Variants in TMEM132D observed in about 807,000 individuals in gnomAD.
TMEM132D encodes transmembrane protein 132D, also known as mature OL transmembrane protein.
Under a neutral mutation model 62.3 loss-of-function variants are expected in TMEM132D, and 21 were observed. The observed-to-expected ratio is 0.34, with a 90% CI of 0.24 to 0.49. The LOEUF (loss-of-function observed/expected upper bound fraction) is 0.49, where lower values mean the gene tolerates loss of function less well. Among genes scored for constraint, TMEM132D ranks in the 20% least tolerant of loss-of-function variants. TMEM132D has a pLI of 0.99. For missense variants in TMEM132D, 1,346 were observed against 1,402.8 expected (o/e 0.96, Z 0.65); for synonymous variants, 621 against 575.6 (o/e 1.08, Z -1.13).
At position 129,770,140 on chromosome 12, in the gene TMEM132D, G is replaced by GTTTTTTTTTTTTT. The variant is rs375230592; in HGVS notation, c.80-69443_80-69442insAAAAAAAAAAAAA. ...ATGAGATTCTTTGTGGGTTTTTTTGGTTGTTTTTTTTTTTTTTTTTTGAGA... is the reference window on the plus strand; with the variant it reads ...ATGAGATTCTTTGTGGGTTTTTTTGGTTTTTTTTTTTTTTTGTTTTTTTTTTTTTTTTTTGAGA... On this transcript the variant is annotated intron_variant, in intron 1 of 8. Coordinates refer to ENST00000422113, the MANE Select transcript of TMEM132D (RefSeq NM_133448.3). Among the ~76,000 whole-genome samples, 40 of 104,330 alleles carry GTTTTTTTTTTTTT rather than the reference G, an allele frequency of 3.8e-4. 2 individuals carry two copies. The highest frequency in any genetic ancestry group is 5.4e-4 in the Non-Finnish European group (29 of 54,142). The allele number at this position is 104,330 out of a possible 152,430, so 68.4% of individuals were successfully genotyped here.
At chr12:129,836,523 T>C (rs189768682) in intron 1 of TMEM132D, among the ~76,000 whole-genome samples, 81 of 144,682 alleles carry the variant, frequency 5.6e-4, no homozygotes, top group African/African-American at 1.2e-3. Context: ...TGTGCGCGCG[T>C]GTGTGTGTGT....
At chr12:129,691,755 T>G (rs1047550137) in intron 2 of TMEM132D, among the ~76,000 whole-genome samples, 1 of 152,052 alleles carries the variant, frequency 6.6e-6, no homozygotes, top group African/African-American at 2.4e-5. Context: ...AATTTATAAT[T>G]AAAAATAAAA....
chr12:129,556,396 C>T (rs1362514736), intron 2 of TMEM132D, among the ~76,000 whole-genome samples: 1 of 152,064 alleles, frequency 6.6e-6, no homozygotes, highest in Non-Finnish European at 1.5e-5. Context: ...CCAAGCTGAG[C>T]GCAAATCCTA....
chr12:129,901,513 C>A (rs1875350944), intron 1 of TMEM132D, among the ~76,000 whole-genome samples: 1 of 152,088 alleles, frequency 6.6e-6, no homozygotes, highest in African/African-American at 2.4e-5. Flanking sequence ...GGCTGACTTG[C>A]TTAAGTTCAA....
intron 3 of TMEM132D, among the ~76,000 whole-genome samples, chr12:129,350,776 A>G (rs964548601): frequency 6.6e-6 from 1 of 152,222 alleles, no homozygotes; most frequent in Non-Finnish European, 1.5e-5. Flanking sequence ...CATCATAAAC[A>G]TAATCCCTCT....
intron 3 of TMEM132D, among the ~76,000 whole-genome samples, chr12:129,391,044 T>G (rs548320702): frequency 6.6e-6 from 1 of 152,350 alleles, no homozygotes; most frequent in East Asian, 1.9e-4. Flanking sequence ...CTGTTCATTC[T>G]TATAACTATT....
intron 1 of TMEM132D, among the ~76,000 whole-genome samples, chr12:129,793,474 C>T (rs1202804990): frequency 6.6e-6 from 1 of 152,102 alleles, no homozygotes; most frequent in Non-Finnish European, 1.5e-5. Flanking sequence ...CCAGCTCAAG[C>T]GATCCTCCCA....
At chr12:129,487,281 G>A (rs1049349429) in intron 3 of TMEM132D, among the ~76,000 whole-genome samples, 2 of 152,222 alleles carry the variant, frequency 1.3e-5, no homozygotes, top group African/African-American at 2.4e-5. Context: ...AGGCAGGTGT[G>A]GCTGGATCTC....
intron 2 of TMEM132D, among the ~76,000 whole-genome samples, chr12:129,629,000 T>C (rs11060472): frequency 0.41 from 62,497 of 151,280 alleles, 13,588 homozygotes; most frequent in Middle Eastern, 0.56. Context: ...CCTCTGTCTC[T>C]CTCTCTCTCC....
intron 5 of TMEM132D, among the ~76,000 whole-genome samples, chr12:129,094,883 G>A (rs550712561): frequency 1.3e-5 from 2 of 152,164 alleles, no homozygotes; most frequent in South Asian, 2.1e-4. Context: ...TCCTTCGTAG[G>A]GACATGGATG....
At chr12:129,642,316 C>G (rs1042839285) in intron 2 of TMEM132D, among the ~76,000 whole-genome samples, 9 of 152,366 alleles carry the variant, frequency 5.9e-5, no homozygotes, top group Middle Eastern at 3.4e-3. Context: ...CCCTGGCAGG[C>G]TGCAATGTTA....
At chr12:129,831,514 G>A (rs755763397) in intron 1 of TMEM132D, among the ~76,000 whole-genome samples, 2 of 152,192 alleles carry the variant, frequency 1.3e-5, no homozygotes, top group South Asian at 2.1e-4. Flanking sequence ...CCGGTGCCTC[G>A]GCTGGCTCAG....
intron 4 of TMEM132D, among the ~76,000 whole-genome samples, chr12:129,261,455 T>C (rs1401950949): frequency 6.6e-6 from 1 of 152,210 alleles, no homozygotes; most frequent in Admixed American, 6.5e-5. Context: ...GCTCCTCATT[T>C]GCCCTCCGCC....
At chr12:129,176,694 T>C (rs1001837986) in intron 5 of TMEM132D, among the ~76,000 whole-genome samples, 5 of 152,204 alleles carry the variant, frequency 3.3e-5, no homozygotes, top group African/African-American at 1.2e-4. Flanking sequence ...TGAGAGGACA[T>C]GAAATGTCTT....
chr12:129,580,467 C>T (rs1476893925), intron 2 of TMEM132D, among the ~76,000 whole-genome samples: 2 of 152,164 alleles, frequency 1.3e-5, no homozygotes, highest in Non-Finnish European at 2.9e-5. Context: ...CTACAGTCAT[C>T]TTCATTTAGT....
chr12:129,603,310 C>T (rs183630526), intron 2 of TMEM132D, among the ~76,000 whole-genome samples: 1 of 152,310 alleles, frequency 6.6e-6, no homozygotes, highest in East Asian at 1.9e-4. Flanking sequence ...CCATCTCTCC[C>T]CAACCCAATT....
chr12:129,606,660 G>T (rs983052462), intron 2 of TMEM132D, among the ~76,000 whole-genome samples: 1 of 152,174 alleles, frequency 6.6e-6, no homozygotes, highest in Non-Finnish European at 1.5e-5. Flanking sequence ...CTTTTGGGAA[G>T]GATAGGGAGA....
At chr12:129,566,519 A>G (rs1332043710) in intron 2 of TMEM132D, among the ~76,000 whole-genome samples, 1 of 152,188 alleles carries the variant, frequency 6.6e-6, no homozygotes, top group Non-Finnish European at 1.5e-5. Context: ...TAAAATAGAG[A>G]CTGTAAGACT....
At chr12:129,528,431 CAAAAAAA>C (rs200147997) in intron 3 of TMEM132D, among the ~76,000 whole-genome samples, 38 of 133,178 alleles carry the variant, frequency 2.9e-4, no homozygotes, top group African/African-American at 3.8e-4. Context: ...ATGCACACAG[CAAAAAAA>C]AAAAAAAAAA....
Sources: allele counts gnomAD v4.1 joint callset (sites outside exome capture counted in the v4.1 genomes callset), GRCh38; gene constraint gnomAD v4.1.1; transcripts MANE v1.5; gene names NCBI Gene and HGNC (gene_info 2026-07-23, HGNC 2026-07-21).